Variants in COL19A1 observed in about 807,000 individuals in gnomAD.
COL19A1 encodes the protein collagen type XIX alpha 1 chain.
In COL19A1, 159 loss-of-function variants were observed where a neutral mutation model predicts 190.2. That is an observed-to-expected ratio of 0.84 (90% CI 0.73 to 0.95). COL19A1 has a LOEUF of 0.95. Among genes scored for constraint, COL19A1 ranks in the 40% least tolerant of loss-of-function variants. COL19A1 has a pLI of 0.00. For synonymous variants in COL19A1, 509 were observed against 458.9 expected, an observed-to-expected ratio of 1.11 and a Z score of -1.39; for missense variants, 1,418 against 1,431.9, an observed-to-expected ratio of 0.99 and a Z score of 0.16.
intron 11 of COL19A1, among the ~76,000 whole-genome samples, chr6:69,998,899 A>G (rs1777082950): frequency 6.6e-6 from 1 of 152,072 alleles, no homozygotes; most frequent in Admixed American, 6.6e-5. Flanking sequence ...TGCAGACATG[A>G]GTACGTTTCA....
chr6:70,050,324 T>C (rs1023784295), intron 14 of COL19A1, among the ~76,000 whole-genome samples: 5 of 152,010 alleles, frequency 3.3e-5, no homozygotes, highest in African/African-American at 1.2e-4. Context: ...CTGACAAATG[T>C]TTATAGAGAA....
intron 11 of COL19A1, among the ~76,000 whole-genome samples, chr6:69,981,644 A>T (rs945902644): frequency 2.0e-5 from 3 of 151,948 alleles, no homozygotes; most frequent in African/African-American, 7.2e-5. Context: ...ACATTATATT[A>T]TATATATTCT....
chr6:70,152,019 C>CT (rs11302917), intron 31 of COL19A1, among the ~76,000 whole-genome samples: 45 of 148,130 alleles, frequency 3.0e-4, no homozygotes, highest in East Asian at 2.0e-4. Context: ...CTTGCTACCT[C>CT]TTTTTTTTTT....
intron 42 of COL19A1, among the ~76,000 whole-genome samples, chr6:70,176,915 C>G (rs190580269): frequency 2.0e-5 from 3 of 152,324 alleles, no homozygotes; most frequent in Admixed American, 6.5e-5. Context: ...CTTCAAAAGA[C>G]AGAGTTCTTA....
At chr6:70,036,967 TAAAC>T (rs1409054693) in intron 14 of COL19A1, among the ~76,000 whole-genome samples, 3 of 152,174 alleles carry the variant, frequency 2.0e-5, no homozygotes, top group Admixed American at 6.5e-5. Flanking sequence ...AACTCCCACA[TAAAC>T]AAATGTTTTT....
At chr6:70,201,282 C>A (rs1191665969) in intron 49 of COL19A1, among the ~76,000 whole-genome samples, 1 of 152,186 alleles carries the variant, frequency 6.6e-6, no homozygotes. Context: ...CACTCAAACA[C>A]CTGGCTTCAG....
chr6:70,106,043 C>G (rs1783939658), intron 16 of COL19A1, among the ~76,000 whole-genome samples: 2 of 151,978 alleles, frequency 1.3e-5, no homozygotes, highest in Non-Finnish European at 2.9e-5. Flanking sequence ...TAACAGCATA[C>G]TTTATAAGAA....
intron 4 of COL19A1, among the ~76,000 whole-genome samples, chr6:69,910,580 T>A (rs937945586): frequency 5.3e-5 from 8 of 152,204 alleles, no homozygotes; most frequent in Admixed American, 2.0e-4. Context: ...ATAAAGCAAA[T>A]GTTCTCATAA....
chr6:70,130,257 G>C (rs1439501843), intron 18 of COL19A1, 34 bp downstream of exon 18: 1 of 1,584,892 alleles, frequency 6.3e-7, no homozygotes, highest in Non-Finnish European at 8.6e-7. Context: ...ATGGAGTCTT[G>C]CTCTGTTGCC....
intron 1 of COL19A1, among the ~76,000 whole-genome samples, chr6:69,866,978 G>A (rs1767488327): frequency 6.6e-6 from 1 of 152,144 alleles, no homozygotes; most frequent in Non-Finnish European, 1.5e-5. Flanking sequence ...TGTCTGTGAA[G>A]CGGAACTATG....
intron 15 of COL19A1, among the ~76,000 whole-genome samples, chr6:70,092,903 G>A (rs1783018416): frequency 6.6e-6 from 1 of 152,170 alleles, no homozygotes; most frequent in Admixed American, 6.6e-5. Flanking sequence ...GTGATGCTGA[G>A]CTTGTTCCTG....
At chr6:69,996,166 T>C (rs1028315406) in intron 11 of COL19A1, among the ~76,000 whole-genome samples, 1 of 152,214 alleles carries the variant, frequency 6.6e-6, no homozygotes, top group Non-Finnish European at 1.5e-5. Context: ...TATCTCAGTA[T>C]TGACACAATA....
chr6:70,197,192 G>A (rs1413192582), intron 48 of COL19A1, among the ~76,000 whole-genome samples: 5 of 151,866 alleles, frequency 3.3e-5, no homozygotes, highest in Non-Finnish European at 5.9e-5. Flanking sequence ...AGGCTGAGGT[G>A]GGTGGATCAC....
At chr6:70,146,042 G>C (rs1252059232) in intron 25 of COL19A1, among the ~76,000 whole-genome samples, 4 of 152,032 alleles carry the variant, frequency 2.6e-5, no homozygotes, top group Non-Finnish European at 5.9e-5. Context: ...TTAAAAGTTT[G>C]ATAAGCAAAG....
Position 70,104,057 on chromosome 6 carries a change from T to C in COL19A1, c.1278+1835T>C, listed in dbSNP as rs188790626. Among the ~76,000 whole-genome samples the C allele has an allele frequency of 2.9e-4, 44 of 152,278 alleles. 1 individual carries two copies. The highest frequency in any genetic ancestry group is 9.9e-4 in the African/African-American group (41 of 41,550). ...TGTGCTCACCTGCCAAAAATGAACA[T>C]GATTGCTGTCCTGTCATTGATTTCA... On this transcript the variant is annotated intron_variant, in intron 16 of 50. Transcript: ENST00000620364.
chr6:69,876,519 A>C (rs2149938964), intron 1 of COL19A1, among the ~76,000 whole-genome samples: 1 of 152,336 alleles, frequency 6.6e-6, no homozygotes, highest in Non-Finnish European at 1.5e-5. Flanking sequence ...TTGAATATTG[A>C]CTAAGTTAAG....
rs1196258850 is a variant in COL19A1, at chr6:70,209,977, T to C, written c.*2703T>C. The C allele has an allele frequency of 2.0e-5, 3 of 152,192 alleles. No individual in the cohort carries two copies. The highest frequency in any genetic ancestry group is 6.5e-5 in the Admixed American group (1 of 15,284). The allele number at this position is 152,192 out of a possible 1,614,324, so 9.4% of individuals were successfully genotyped here. A position where few individuals can be genotyped will look rare whatever the true frequency, so the allele number is the denominator to read the frequency against. On this transcript the variant is annotated 3_prime_UTR_variant, in exon 51 of 51. Coordinates refer to ENST00000620364, the MANE Select transcript of COL19A1 (RefSeq NM_001858.6). Reference sequence around the variant, plus strand: ...GGTGGGAAGTTTTCCTCTAAATGACTTGATGGTTGCCAAATCCCTTGCACC... The same window carrying C: ...GGTGGGAAGTTTTCCTCTAAATGACCTGATGGTTGCCAAATCCCTTGCACC...
intron 11 of COL19A1, among the ~76,000 whole-genome samples, chr6:69,992,751 A>G (rs1776700140): frequency 6.6e-6 from 1 of 151,930 alleles, no homozygotes; most frequent in South Asian, 2.1e-4. Flanking sequence ...TTTGGCTCTC[A>G]GCTTGGACAT....
rs769626006 is a variant in COL19A1, at chr6:70,177,530, A to T, written c.2667+966A>T. 1.3e-3 allele frequency among the ~76,000 whole-genome samples: 191 copies of T among 152,338 alleles called. 2 individuals carry two copies. Among genetic ancestry groups the T allele is most frequent in the Non-Finnish European group, 2.2e-3 (153 of 68,028 alleles). ...ATCTGCATCCTTCGTAGATGATGAC[A>T]TTCCCTTACTTAGCCATTATAGATC... On this transcript the variant is annotated intron_variant, in intron 42 of 50. Coordinates refer to ENST00000620364, the MANE Select transcript of COL19A1 (RefSeq NM_001858.6).
Sources: gnomAD v4.1 joint callset for allele counts (sites outside exome capture counted in the v4.1 genomes callset) on GRCh38, gnomAD v4.1.1 for gene constraint, MANE v1.5 for transcripts, NCBI Gene and HGNC (gene_info 2026-07-23, HGNC 2026-07-21) for gene names.